Variants in NUP93 observed in about 807,000 individuals in gnomAD.
The protein encoded by NUP93 is nuclear pore complex protein Nup93.
NUP93 carries 55 observed loss-of-function variants against 107.8 expected under a neutral mutation model. The ratio of observed to expected loss-of-function variants is 0.51; its 90% CI spans 0.41 to 0.64. NUP93 has a LOEUF of 0.64. Ranked by LOEUF, NUP93 falls within the 30% of genes least tolerant of loss-of-function variation. The probability of loss-of-function intolerance (pLI) is 0.00; values close to 1 mark genes in which losing one functional copy is unlikely to be tolerated. For synonymous variants in NUP93, 390 were observed against 397.5 expected (o/e 0.98, Z 0.22); for missense variants, 937 against 1,044.7 (o/e 0.90, Z 1.42).
At chr16:56,783,755 A>G (rs752400483) in intron 3 of NUP93, 59 of 985,414 alleles carry the variant, frequency 6.0e-5, no homozygotes, top group Middle Eastern at 1.0e-3. Flanking sequence ...ATTAGGTTCC[A>G]TGGCACAGGA....
rs141386748 is a variant in NUP93, at chr16:56,789,785, G to A, written c.298-8691G>A. On this transcript the variant is annotated intron_variant, in intron 3 of 21. Transcript: ENST00000308159. Reference sequence around the variant, plus strand: ...GCAATCTGTGAACAAACAATTTAAAGTATTAAAATTTTTGTAGAAAACAAG... The same window carrying A: ...GCAATCTGTGAACAAACAATTTAAAATATTAAAATTTTTGTAGAAAACAAG... Among the ~76,000 whole-genome samples the A allele has an allele frequency of 2.3e-4, 35 of 152,336 alleles. No individual in the cohort carries two copies. In the East Asian group the frequency reaches 4.1e-3, roughly 18 times the overall value.
At chr16:56,737,252 G>A (rs1375548707) in intron 1 of NUP93, among the ~76,000 whole-genome samples, 1 of 152,154 alleles carries the variant, frequency 6.6e-6, no homozygotes, top group Non-Finnish European at 1.5e-5. Flanking sequence ...CCTCTTCCTC[G>A]CTGCTCAGTG....
At chr16:56,789,135 GCAA>G (rs1287722588) in intron 3 of NUP93, among the ~76,000 whole-genome samples, 3 of 152,084 alleles carry the variant, frequency 2.0e-5, no homozygotes, top group Admixed American at 2.0e-4. Flanking sequence ...AGGCAAAGGT[GCAA>G]ATGGAGTTAT....
chr16:56,779,456 C>CAAT (rs1285018174), intron 3 of NUP93, among the ~76,000 whole-genome samples: 1 of 152,166 alleles, frequency 6.6e-6, no homozygotes, highest in Non-Finnish European at 1.5e-5. Flanking sequence ...CAAAATTAAA[C>CAAT]AATGGACTAC....
chr16:56,778,331 C>T (rs779522909), intron 3 of NUP93, among the ~76,000 whole-genome samples: 2 of 152,104 alleles, frequency 1.3e-5, no homozygotes, highest in Non-Finnish European at 2.9e-5. Context: ...TAAAATCTGT[C>T]AGGGAAGGGC....
At position 56,805,484 on chromosome 16, in the gene NUP93, T is replaced by C; in HGVS notation, c.361-20T>C. ...TTGTTTTTTTCCTGAGGGTCATTGT[T>C]CTCTGTTCCTTTCTGGCAGACCTTC... On this transcript the variant is annotated intron_variant, in intron 4 of 21. Coordinates refer to ENST00000308159, the MANE Select transcript of NUP93 (RefSeq NM_014669.5). 6.2e-7 allele frequency: 1 copy of C among 1,613,338 alleles called. No homozygotes were observed. The highest frequency in any genetic ancestry group is 2.2e-5 in the East Asian group (1 of 44,846).
chr16:56,842,217 C>T (rs1458263876), intron 21 of NUP93, among the ~76,000 whole-genome samples: 1 of 152,184 alleles, frequency 6.6e-6, no homozygotes, highest in African/African-American at 2.4e-5. Context: ...TTAATGTGAA[C>T]CCTTGTTTCT....
Position 56,831,896 on chromosome 16 carries a change from G to A in NUP93, c.1140G>A (p.Arg380=). ...GGCTGCATTACCGTAGGGCCCTCAG[G>A]AACAATACAGATCCCTACAAGCGGG... The part of the protein sequence containing the change: ...KLRLHYRRAL[R]NNTDPYKRAV... The change falls in exon 11 of 22, where the codon AGG becomes AGA. Residue 380 remains arginine, a synonymous_variant. Coordinates refer to ENST00000308159, the MANE Select transcript of NUP93 (RefSeq NM_014669.5). 2.5e-6 allele frequency: 4 copies of A among 1,614,068 alleles called. No individual in the cohort carries two copies. Among genetic ancestry groups the A allele is most frequent in the Non-Finnish European group, 3.4e-6 (4 of 1,180,004 alleles).
At chr16:56,798,604 A>C in intron 4 of NUP93, 66 bp downstream of exon 4, 22 of 1,294,688 alleles carry the variant, frequency 1.7e-5, no homozygotes, top group African/African-American at 2.9e-5. Context: ...GTGGTGGCTC[A>C]CATCTGTAAT....
intron 10 of NUP93, among the ~76,000 whole-genome samples, 200 bp downstream of exon 10, chr16:56,830,885 G>A (rs1447593045): frequency 6.6e-6 from 1 of 152,194 alleles, no homozygotes; most frequent in African/African-American, 2.4e-5. Context: ...TGACACTGAT[G>A]TCTAGGCATG....
chr16:56,822,025 C>G (rs1963554126), intron 7 of NUP93, among the ~76,000 whole-genome samples: 1 of 148,374 alleles, frequency 6.7e-6, no homozygotes, highest in South Asian at 2.2e-4. Flanking sequence ...GTTCCTCTGA[C>G]ACACACATAT....
At chr16:56,766,471 G>A (rs555913995) in intron 3 of NUP93, among the ~76,000 whole-genome samples, 15 of 152,172 alleles carry the variant, frequency 9.9e-5, no homozygotes, top group African/African-American at 2.7e-4. Flanking sequence ...TAAATTGCTC[G>A]GTTGCAGGAA....
chr16:56,731,655 A>G (rs1266966962), intron 1 of NUP93, among the ~76,000 whole-genome samples: 1 of 152,004 alleles, frequency 6.6e-6, no homozygotes, highest in African/African-American at 2.4e-5. Context: ...TGATCCGCCC[A>G]TTTCGGCCTC....
At position 56,778,100 on chromosome 16, in the gene NUP93, A is replaced by G. The variant is rs543460724; in HGVS notation, c.297+19445A>G. Among the ~76,000 whole-genome samples, 5 of 152,314 alleles carry G rather than the reference A, an allele frequency of 3.3e-5. No homozygotes were observed. In the East Asian group the frequency reaches 9.6e-4, roughly 29 times the overall value. On this transcript the variant is annotated intron_variant, in intron 3 of 21. Coordinates refer to ENST00000308159, the MANE Select transcript of NUP93 (RefSeq NM_014669.5). ...CAAACTGTCCAAGCTGTGAAAAGTGACGGACAGACTGAATGAGAGCGACAC... is the reference window on the plus strand; with the variant it reads ...CAAACTGTCCAAGCTGTGAAAAGTGGCGGACAGACTGAATGAGAGCGACAC...
chr16:56,748,123 C>T (rs920917119), intron 1 of NUP93, 111 bp from the exon 2 acceptor site: 18 of 671,978 alleles, frequency 2.7e-5, no homozygotes, highest in East Asian at 5.4e-5. Flanking sequence ...GCTGTGTCCT[C>T]GTCTGTTTAC....
intron 20 of NUP93, among the ~76,000 whole-genome samples, chr16:56,841,306 G>A (rs1964019361): frequency 6.6e-6 from 1 of 152,200 alleles, no homozygotes; most frequent in South Asian, 2.1e-4. Flanking sequence ...GTTTGAGAGA[G>A]TGAGGAGTGG....
rs562562640 is a variant in NUP93, at chr16:56,837,629, C to G, written c.1921C>G (p.Leu641Val). Reference sequence around the variant, plus strand: ...GCAGAATGCTGACAAGGTACTGGAGCTGATGAACAAACTGCTGAGCCCTGT... The same window carrying G: ...GCAGAATGCTGACAAGGTACTGGAGGTGATGAACAAACTGCTGAGCCCTGT... ...LAKNADKVLE[L>V]MNKLLSPVVP... The change falls in exon 18 of 22, where the codon CTG (leucine) becomes GTG (valine). Residue 641 changes from leucine to valine, a missense_variant. Physicochemically the swap from Leu to Val is conservative, Grantham distance 32. Transcript: ENST00000308159. 5.0e-6 allele frequency: 8 copies of G among 1,613,994 alleles called. No homozygotes were observed. In the Admixed American group the frequency reaches 1.2e-4, roughly 24 times the overall value.
intron 6 of NUP93, among the ~76,000 whole-genome samples, chr16:56,819,403 A>G (rs1242593715): frequency 6.6e-6 from 1 of 152,252 alleles, no homozygotes; most frequent in Non-Finnish European, 1.5e-5. Context: ...CCCACAAAGT[A>G]CAAAGAAGGA....
At chr16:56,740,220 C>A (rs1305154513) in intron 1 of NUP93, among the ~76,000 whole-genome samples, 6 of 146,248 alleles carry the variant, frequency 4.1e-5, no homozygotes, top group South Asian at 2.3e-4. Flanking sequence ...AGGCTCCTCA[C>A]TTCTCAGACG....
Sources: allele counts gnomAD v4.1 joint callset (sites outside exome capture counted in the v4.1 genomes callset), GRCh38; gene constraint gnomAD v4.1.1; transcripts MANE v1.5; gene names NCBI Gene and HGNC (gene_info 2026-07-23, HGNC 2026-07-21).